Variants in STX12 observed in about 807,000 individuals in gnomAD.
STX12 encodes syntaxin-12.
STX12 carries 17 observed loss-of-function variants against 42.2 expected under a neutral mutation model. The ratio of observed to expected loss-of-function variants is 0.40; its 90% CI spans 0.28 to 0.60. STX12 has a LOEUF of 0.60. Ranked by LOEUF, STX12 falls within the 20% of genes least tolerant of loss-of-function variation. The pLI is 0.39. For missense variants in STX12, 297 were observed against 330.9 expected, an observed-to-expected ratio of 0.90 and a Z score of 0.79; for synonymous variants, 108 against 116.7, an observed-to-expected ratio of 0.93 and a Z score of 0.48.
intron 3 of STX12, among the ~76,000 whole-genome samples, chr1:27,797,231 A>G (rs181666094): frequency 2.6e-5 from 4 of 152,186 alleles, no homozygotes; most frequent in Admixed American, 2.6e-4. Context: ...TAATTTTTGT[A>G]TTATTAGCAG....
intron 8 of STX12, among the ~76,000 whole-genome samples, chr1:27,821,269 A>T (rs780819490): frequency 1.3e-4 from 20 of 152,192 alleles, no homozygotes; most frequent in Non-Finnish European, 2.9e-4. Context: ...CGTATTTAAT[A>T]ATAGTGTTTC....
At chr1:27,788,545 A>G (rs2088714120) in intron 1 of STX12, among the ~76,000 whole-genome samples, 1 of 152,218 alleles carries the variant, frequency 6.6e-6, no homozygotes. Context: ...AGAAGGCTGA[A>G]CAAAACCATA....
intron 5 of STX12, among the ~76,000 whole-genome samples, chr1:27,811,384 A>G (rs561858819): frequency 1.8e-4 from 28 of 151,504 alleles, no homozygotes; most frequent in Non-Finnish European, 2.7e-4. Flanking sequence ...GCAGGAGGAT[A>G]GCTTAAAGCC....
chr1:27,822,043 C>G (rs1351468366), intron 8 of STX12, among the ~76,000 whole-genome samples, 188 bp from the exon 9 acceptor site: 1 of 151,448 alleles, frequency 6.6e-6, no homozygotes, highest in Non-Finnish European at 1.5e-5. Flanking sequence ...ACCAAACAAA[C>G]AAAAAACACT....
At chr1:27,802,056 A>G (rs2088831658) in intron 4 of STX12, 1 of 283,366 alleles carries the variant, frequency 3.5e-6, no homozygotes. Context: ...TCATTTTGAT[A>G]TATTGGTTTT....
chr1:27,773,763 G>T (rs1448346542), intron 1 of STX12: 7 of 244,180 alleles, frequency 2.9e-5, no homozygotes, highest in Non-Finnish European at 5.9e-5. Flanking sequence ...GTGGTCAGCC[G>T]AGTTTCTCCT....
intron 1 of STX12, among the ~76,000 whole-genome samples, chr1:27,783,092 AATTTGACTTTG>A (rs11271836): frequency 0.044 from 6,755 of 152,164 alleles, 516 homozygotes; most frequent in African/African-American, 0.15. Context: ...CTTTCAATAT[AATTTGACTTTG>A]ATTTGACTTT....
intron 4 of STX12, among the ~76,000 whole-genome samples, chr1:27,808,028 G>T (rs2088875776): frequency 6.6e-6 from 1 of 152,058 alleles, no homozygotes; most frequent in South Asian, 2.1e-4. Flanking sequence ...GCAAGAAAAT[G>T]ATTTTCACAA....
At position 27,823,342 on chromosome 1, in the gene STX12, G is replaced by A. The variant is rs1018978641; in HGVS notation, c.*1013G>A. 1.3e-5 allele frequency: 2 copies of A among 152,552 alleles called. No homozygotes were observed. The highest frequency in any genetic ancestry group is 4.8e-5 in the African/African-American group (2 of 41,436). The allele number at this position is 152,552 out of a possible 1,614,324, so 9.4% of individuals were successfully genotyped here. ...AAACCAACAATAAAGCAAAGAAGAG[G>A]TTCATTTTTGTAAATAACACTGGTT... is the stretch of plus-strand genomic sequence containing the variant. On this transcript the variant is annotated 3_prime_UTR_variant, in exon 9 of 9. Transcript: ENST00000373943.
intron 6 of STX12, among the ~76,000 whole-genome samples, chr1:27,816,114 G>A (rs1311218276): frequency 3.9e-5 from 6 of 151,910 alleles, no homozygotes; most frequent in South Asian, 4.2e-4. Flanking sequence ...TCAGGAGTTC[G>A]AGACCAGCCT....
At chr1:27,816,874 C>CCA (rs537870576) in intron 6 of STX12, among the ~76,000 whole-genome samples, 183 of 150,248 alleles carry the variant, frequency 1.2e-3, no homozygotes, top group African/African-American at 4.3e-3. Flanking sequence ...CGAGATTGTG[C>CCA]CACTGCACTC....
At position 27,792,210 on chromosome 1, in the gene STX12, G is replaced by GTATCTATATATATGTATATACATATATA. The variant is rs1553181716; in HGVS notation, c.189-1321_189-1294dup. ...TCTATATATGTATATACATATATAT[G>GTATCTATATATATGTATATACATATATA]TATCTATATATATGTATATACATAT... On this transcript the variant is annotated intron_variant, in intron 2 of 8. Transcript: ENST00000373943. Among the ~76,000 whole-genome samples, 14 of 117,508 alleles carry GTATCTATATATATGTATATACATATATA rather than the reference G, an allele frequency of 1.2e-4. 2 individuals carry two copies. Among genetic ancestry groups the GTATCTATATATATGTATATACATATATA allele is most frequent in the East Asian group, 5.4e-4 (2 of 3,724 alleles). 77.1% of individuals were successfully genotyped at this position (117,508 alleles called of 152,430 possible). A position where few individuals can be genotyped will look rare whatever the true frequency, so the allele number is the denominator to read the frequency against.
intron 1 of STX12, among the ~76,000 whole-genome samples, chr1:27,777,046 T>C (rs950849090): frequency 6.6e-6 from 1 of 152,182 alleles, no homozygotes; most frequent in African/African-American, 2.4e-5. Context: ...GAACAAGAGA[T>C]AAAATCCCTC....
chr1:27,807,055 T>A (rs2088866869), intron 4 of STX12, among the ~76,000 whole-genome samples: 1 of 152,162 alleles, frequency 6.6e-6, no homozygotes, highest in Non-Finnish European at 1.5e-5. Context: ...CCATTGCCTT[T>A]TTTTAATTTT....
At chr1:27,779,901 C>G (rs1006479808) in intron 1 of STX12, among the ~76,000 whole-genome samples, 54 of 152,166 alleles carry the variant, frequency 3.5e-4, no homozygotes, top group African/African-American at 1.2e-3. Flanking sequence ...AAGCGATCCT[C>G]CAGCCTCAGC....
At chr1:27,776,974 AT>A (rs2088632134) in intron 1 of STX12, among the ~76,000 whole-genome samples, 1 of 152,126 alleles carries the variant, frequency 6.6e-6, no homozygotes, top group Non-Finnish European at 1.5e-5. Flanking sequence ...CATATGAAAG[AT>A]TCATTGATCC....
chr1:27,816,773 G>A (rs1015451760), intron 6 of STX12, among the ~76,000 whole-genome samples: 3 of 151,920 alleles, frequency 2.0e-5, no homozygotes, highest in African/African-American at 7.2e-5. Context: ...AAAATTATCC[G>A]GGCGTGGTGG....
At chr1:27,781,829 T>C (rs1365366264) in intron 1 of STX12, among the ~76,000 whole-genome samples, 1 of 152,212 alleles carries the variant, frequency 6.6e-6, no homozygotes, top group Non-Finnish European at 1.5e-5. Context: ...GCATTCAATA[T>C]GTACTTAATT....
chr1:27,821,524 T>C (rs2148609341), intron 8 of STX12, among the ~76,000 whole-genome samples: 1 of 151,812 alleles, frequency 6.6e-6, no homozygotes, highest in Non-Finnish European at 1.5e-5. Context: ...GACGGTATTA[T>C]CTATGGGTGA....
Sources: allele counts gnomAD v4.1 joint callset (sites outside exome capture counted in the v4.1 genomes callset), GRCh38; gene constraint gnomAD v4.1.1; transcripts MANE v1.5; gene names NCBI Gene and HGNC (gene_info 2026-07-23, HGNC 2026-07-21).